DPYSL3: variants seen among roughly 807,000 people sequenced by gnomAD.
DPYSL3 encodes dihydropyrimidinase-related protein 3.
A neutral mutation model predicts 66.1 loss-of-function variants in DPYSL3; 16 were observed. The ratio of observed to expected loss-of-function variants is 0.24; its 90% CI spans 0.16 to 0.37. The LOEUF (loss-of-function observed/expected upper bound fraction) is 0.37, where lower values mean the gene tolerates loss of function less well. Among genes scored for constraint, DPYSL3 ranks in the 10% least tolerant of loss-of-function variants. The pLI is 1.00. For synonymous variants in DPYSL3, 338 were observed against 345.1 expected (o/e 0.98, Z 0.23); for missense variants, 738 against 916.2 (o/e 0.81, Z 2.51).
intron 1 of DPYSL3, among the ~76,000 whole-genome samples, chr5:147,433,815 C>T (rs1426451061): frequency 3.3e-5 from 5 of 152,102 alleles, no homozygotes; most frequent in East Asian, 1.9e-4. Flanking sequence ...GGGCGGATCA[C>T]GAGGTCAGGA....
intron 1 of DPYSL3, among the ~76,000 whole-genome samples, chr5:147,429,900 G>A (rs935787019): frequency 4.6e-5 from 7 of 152,184 alleles, no homozygotes; most frequent in Non-Finnish European, 8.8e-5. Context: ...GATAAAATCA[G>A]TGCAATACAC....
intron 1 of DPYSL3, among the ~76,000 whole-genome samples, chr5:147,476,415 T>A (rs979111901): frequency 3.8e-4 from 58 of 152,248 alleles, no homozygotes; most frequent in Non-Finnish European, 6.9e-4. Flanking sequence ...CAATGCAAAA[T>A]ATGTTAATGC....
intron 1 of DPYSL3, among the ~76,000 whole-genome samples, chr5:147,454,462 A>G (rs957900192): frequency 2.6e-5 from 4 of 152,260 alleles, no homozygotes; most frequent in African/African-American, 9.6e-5. Context: ...GGGGCACGGT[A>G]GCAGTGGACT....
intron 13 of DPYSL3, among the ~76,000 whole-genome samples, chr5:147,394,682 C>CAA (rs34195078): frequency 1.1e-4 from 16 of 144,656 alleles, no homozygotes; most frequent in Admixed American, 3.4e-4. Flanking sequence ...ACAACAACAA[C>CAA]AAAAAAAAAA....
At chr5:147,440,175 C>T (rs944309336) in intron 1 of DPYSL3, among the ~76,000 whole-genome samples, 2 of 152,014 alleles carry the variant, frequency 1.3e-5, no homozygotes, top group African/African-American at 4.8e-5. Flanking sequence ...TGGTGACAGG[C>T]GCCTGTAGTC....
rs1757786725 is a variant in DPYSL3 at position 147,391,112 on chromosome 5, G to A, written c.*2923C>T. The A allele has an allele frequency of 1.3e-5, 2 of 152,624 alleles. No homozygotes were observed. The allele number at this position is 152,624 out of a possible 1,614,324, so 9.5% of individuals were successfully genotyped here. Reference sequence around the variant, plus strand: ...GGACTCAAGCTGGAGTTTTCCAGGGGAGAAAGCCTGGGAAGCTTGTGGCAA... The same window carrying A: ...GGACTCAAGCTGGAGTTTTCCAGGGAAGAAAGCCTGGGAAGCTTGTGGCAA... On this transcript the variant is annotated 3_prime_UTR_variant, in exon 14 of 14. Transcript: ENST00000343218.
intron 10 of DPYSL3, among the ~76,000 whole-genome samples, chr5:147,399,556 T>C (rs1376708945): frequency 6.6e-6 from 1 of 152,246 alleles, no homozygotes; most frequent in Non-Finnish European, 1.5e-5. Context: ...AAAAGGATTA[T>C]GGAGAGTTCA....
intron 5 of DPYSL3, among the ~76,000 whole-genome samples, chr5:147,413,158 C>T (rs1751892037): frequency 6.6e-6 from 1 of 152,160 alleles, no homozygotes; most frequent in Admixed American, 6.5e-5. Flanking sequence ...TCTTGTATTT[C>T]CTCTGAAAAC....
intron 1 of DPYSL3, among the ~76,000 whole-genome samples, chr5:147,481,496 T>C (rs1412772734): frequency 6.6e-6 from 1 of 152,206 alleles, no homozygotes; most frequent in African/African-American, 2.4e-5. Flanking sequence ...TAGAGTTTTA[T>C]GTTGGCTTTC....
At chr5:147,453,651 C>A (rs1752786382) in intron 1 of DPYSL3, 4 of 1,502,232 alleles carry the variant, frequency 2.7e-6, no homozygotes, top group South Asian at 1.3e-5. Context: ...CTCGCCCGCG[C>A]CTTCCTCAGC....
chr5:147,447,955 T>G (rs139445234), intron 1 of DPYSL3, among the ~76,000 whole-genome samples: 1 of 152,298 alleles, frequency 6.6e-6, no homozygotes, highest in African/African-American at 2.4e-5. Flanking sequence ...ATGAAAACAT[T>G]TACACCTTAG....
At chr5:147,506,258 A>G (rs1753684192) in intron 1 of DPYSL3, among the ~76,000 whole-genome samples, 1 of 152,132 alleles carries the variant, frequency 6.6e-6, no homozygotes, top group South Asian at 2.1e-4. Flanking sequence ...AAAATCCTAT[A>G]GTTAAGATTT....
intron 1 of DPYSL3, among the ~76,000 whole-genome samples, chr5:147,449,080 T>A (rs1752679549): frequency 6.6e-6 from 1 of 152,146 alleles, no homozygotes. Flanking sequence ...CTCCTAATAT[T>A]TTCCTCTAAT....
At chr5:147,397,202 CTG>C (rs1164783857) in intron 12 of DPYSL3, among the ~76,000 whole-genome samples, 11 of 142,770 alleles carry the variant, frequency 7.7e-5, no homozygotes, top group Non-Finnish European at 1.2e-4. Flanking sequence ...ACACATATCT[CTG>C]TGTGTGTTTA....
Position 147,429,736 on chromosome 5 carries a change from C to T in DPYSL3, c.382-4773G>A, listed in dbSNP as rs140662391. Among the ~76,000 whole-genome samples the T allele has an allele frequency of 1.6e-4, 24 of 152,222 alleles. 1 individual carries two copies. The highest frequency in any genetic ancestry group is 2.6e-4 in the Non-Finnish European group (18 of 68,020). On this transcript the variant is annotated intron_variant, in intron 1 of 13. Transcript: ENST00000343218. The stretch of plus-strand genomic sequence containing the variant: ...GGCACATCACTGATTTCTCCTAGGA[C>T]ACCGTACCAAGTGTCTTTAAACCTT...
At chr5:147,459,336 G>A (rs1752899433) in intron 1 of DPYSL3, among the ~76,000 whole-genome samples, 1 of 152,108 alleles carries the variant, frequency 6.6e-6, no homozygotes, top group African/African-American at 2.4e-5. Flanking sequence ...GAGTTTTGAA[G>A]GGGAAAATGT....
At position 147,415,739 on chromosome 5, in the gene DPYSL3, G is replaced by T; in HGVS notation, c.790C>A (p.Gln264Lys). 1 of 1,614,078 alleles carries T rather than the reference G, an allele frequency of 6.2e-7. No homozygotes were observed. Among genetic ancestry groups the T allele is most frequent in the Non-Finnish European group, 8.5e-7 (1 of 1,179,988 alleles). ...DITHWNDSVKQEVQNLIKDKG... is the reference protein window; with the variant it reads ...DITHWNDSVKKEVQNLIKDKG... ...TCCTTGATGAGGTTCTGCACTTCCT[G>T]CTTGACGCTGTCATTCCAGTGGGTG... is the stretch of plus-strand genomic sequence containing the variant. Residue 264 changes from glutamine to lysine, a missense_variant, in exon 4 of 14, where the codon CAG becomes AAG. Coordinates refer to ENST00000343218, the MANE Select transcript of DPYSL3 (RefSeq NM_001197294.2).
At chr5:147,505,789 G>A (rs1221020819) in intron 1 of DPYSL3, among the ~76,000 whole-genome samples, 1 of 152,178 alleles carries the variant, frequency 6.6e-6, no homozygotes, top group Non-Finnish European at 1.5e-5. Flanking sequence ...TGGGCTGGTG[G>A]CACAATAGAA....
intron 1 of DPYSL3, chr5:147,453,425 C>T: frequency 7.4e-7 from 1 of 1,359,614 alleles, no homozygotes; most frequent in Non-Finnish European, 9.5e-7. Flanking sequence ...CACCCGGACC[C>T]CGGGTCTCCG....
Sources: allele counts gnomAD v4.1 joint callset (sites outside exome capture counted in the v4.1 genomes callset), GRCh38; gene constraint gnomAD v4.1.1; transcripts MANE v1.5; gene names NCBI Gene and HGNC (gene_info 2026-07-23, HGNC 2026-07-21).